Variants in AMOT observed in about 807,000 individuals in gnomAD.
AMOT encodes the protein angiomotin.
In AMOT, 11 loss-of-function variants were observed where a neutral mutation model predicts 67.0. The ratio of observed to expected loss-of-function variants is 0.16; its 90% CI spans 0.10 to 0.27. The LOEUF is 0.27. Ranked by LOEUF, AMOT falls within the 10% of genes least tolerant of loss-of-function variation. The pLI is 1.00. For missense variants in AMOT, 753 were observed against 852.0 expected (o/e 0.88, Z 1.45); for synonymous variants, 326 against 321.4 (o/e 1.01, Z -0.15).
At chrX:112,794,658 T>C (rs1224537829) in intron 8 of AMOT, among the ~76,000 whole-genome samples, 1 of 112,229 alleles carries the variant, frequency 8.9e-6, no homozygotes, top group Non-Finnish European at 1.9e-5. Flanking sequence ...CCTATACGCT[T>C]TATTAACTCC....
intron 8 of AMOT, among the ~76,000 whole-genome samples, chrX:112,795,150 T>C (rs1402454026): frequency 1.8e-5 from 2 of 111,250 alleles, no homozygotes; most frequent in Non-Finnish European, 1.9e-5. Context: ...TTTTACCTAA[T>C]ATAAAAAGTA....
At chrX:112,795,249 T>TGTGC (rs370354349) in intron 8 of AMOT, among the ~76,000 whole-genome samples, 21 of 65,429 alleles carry the variant, frequency 3.2e-4, no homozygotes, top group African/African-American at 2.4e-3. Flanking sequence ...TCTCTCTCTC[T>TGTGC]GTGTGTGTGT....
intron 10 of AMOT, among the ~76,000 whole-genome samples, chrX:112,790,066 G>A (rs1047377994): frequency 9.7e-6 from 1 of 102,835 alleles, no homozygotes; most frequent in Admixed American, 1.1e-4. Context: ...GCTCACGCAC[G>A]ATGAGGTTAT....
chrX:112,779,976 C>T (rs1462876228), intron 12 of AMOT, among the ~76,000 whole-genome samples: 1 of 111,040 alleles, frequency 9.0e-6, no homozygotes, highest in Non-Finnish European at 1.9e-5. Context: ...CATCACCTGG[C>T]ACAACATATT....
chrX:112,810,573 G>GCGCA (rs1362620271), intron 6 of AMOT, among the ~76,000 whole-genome samples: 1 of 110,530 alleles, frequency 9.0e-6, no homozygotes, highest in African/African-American at 3.3e-5. Context: ...AGGCATGGTG[G>GCGCA]CGCACGCTGG....
At chrX:112,781,205 G>A in intron 11 of AMOT, 87 bp from the exon 12 acceptor site, 5 of 866,851 alleles carry the variant, frequency 5.8e-6, no homozygotes, top group Non-Finnish European at 8.2e-6. Flanking sequence ...ATTTTGGGAG[G>A]CCGAGGTGGG....
chrX:112,797,701 A>G (rs1260061438), intron 8 of AMOT, among the ~76,000 whole-genome samples: 1 of 111,197 alleles, frequency 9.0e-6, no homozygotes, highest in Non-Finnish European at 1.9e-5. Context: ...GAATCACTTG[A>G]ACCCAGGAGG....
intron 8 of AMOT, among the ~76,000 whole-genome samples, 167 bp from the exon 9 acceptor site, chrX:112,792,148 G>C (rs1394933833): frequency 8.9e-6 from 1 of 112,375 alleles, no homozygotes; most frequent in Non-Finnish European, 1.9e-5. Context: ...TGAGTAGCAG[G>C]CTGCCTTGTA....
intron 10 of AMOT, among the ~76,000 whole-genome samples, chrX:112,782,982 A>C (rs766098077): frequency 1.7e-4 from 19 of 111,397 alleles, no homozygotes; most frequent in Non-Finnish European, 3.6e-4. Flanking sequence ...TTTTTAGATC[A>C]TGGCCAAGCA....
chrX:112,819,360 A>T, intron 4 of AMOT: 1 of 754,360 alleles, frequency 1.3e-6, no homozygotes, highest in Non-Finnish European at 1.6e-6. Flanking sequence ...TGCAATGGTG[A>T]ATCGGTGAAT....
intron 2 of AMOT, among the ~76,000 whole-genome samples, chrX:112,829,855 C>T (rs1934943116): frequency 9.0e-6 from 1 of 111,659 alleles, no homozygotes; most frequent in South Asian, 3.7e-4. Flanking sequence ...AATCCTGTTG[C>T]CACCTCCCTC....
At chrX:112,832,801 T>G (rs1935025988) in intron 1 of AMOT, among the ~76,000 whole-genome samples, 1 of 111,812 alleles carries the variant, frequency 8.9e-6, no homozygotes, top group African/African-American at 3.3e-5. Flanking sequence ...CCATCTGCCT[T>G]CAGTCTGGTT....
rs1932913344 is a variant in AMOT, at chrX:112,775,247, C to T, written c.*3320G>A. The T allele has an allele frequency of 8.9e-6, 1 of 112,774 alleles. No individual in the cohort carries two copies. Among genetic ancestry groups the T allele is most frequent in the Non-Finnish European group, 1.9e-5 (1 of 53,313 alleles). 9.3% of individuals were successfully genotyped at this position (112,774 alleles called of 1,213,427 possible). Reference sequence around the variant, plus strand: ...GCTGAAATTGGTGGCAATTAGCCCACAGCTGATACCTTCCTTTGAAAACAT... The same window carrying T: ...GCTGAAATTGGTGGCAATTAGCCCATAGCTGATACCTTCCTTTGAAAACAT... On this transcript the variant is annotated 3_prime_UTR_variant, in exon 14 of 14. Transcript: ENST00000371959.
rs1168645419 is a variant in AMOT at position 112,777,779 on chromosome X, G to T, written c.*788C>A. Reference sequence around the variant, plus strand: ...CAACTCTCCATCAAGGCCTCTGATGGTCTAATTCCCTAAGAGAGAGGAAGT... The same window carrying T: ...CAACTCTCCATCAAGGCCTCTGATGTTCTAATTCCCTAAGAGAGAGGAAGT... On this transcript the variant is annotated 3_prime_UTR_variant, in exon 14 of 14. Coordinates refer to ENST00000371959, the MANE Select transcript of AMOT (RefSeq NM_001113490.2). The T allele has an allele frequency of 8.9e-6, 1 of 112,022 alleles. No homozygotes were observed. The highest frequency in any genetic ancestry group is 1.9e-5 in the Non-Finnish European group (1 of 53,166). The allele number at this position is 112,022 out of a possible 1,213,427, so 9.2% of individuals were successfully genotyped here.
At chrX:112,817,781 A>G (rs981254245) in intron 4 of AMOT, among the ~76,000 whole-genome samples, 7 of 112,340 alleles carry the variant, frequency 6.2e-5, no homozygotes, top group Admixed American at 5.7e-4. Flanking sequence ...TCATAAGTAC[A>G]ACTGGAAAGT....
At chrX:112,838,034 C>T (rs1479971356) in intron 1 of AMOT, among the ~76,000 whole-genome samples, 1 of 111,744 alleles carries the variant, frequency 8.9e-6, no homozygotes, top group Non-Finnish European at 1.9e-5. Context: ...ACCAGACAGT[C>T]CCCAAGAATA....
rs1378513181 is a variant in AMOT at position 112,778,277 on chromosome X, C to T, written c.*290G>A. On this transcript the variant is annotated 3_prime_UTR_variant, in exon 14 of 14. Transcript: ENST00000371959. ...TAAACAAATTTAAGCACATTGAAAA[C>T]GTCGATGTATAGCCACCTGTTAACA... is the stretch of plus-strand genomic sequence containing the variant. The T allele has an allele frequency of 2.1e-5, 4 of 192,921 alleles. No homozygotes were observed. The highest frequency in any genetic ancestry group is 7.0e-5 in the Admixed American group (1 of 14,249). The allele number at this position is 192,921 out of a possible 1,213,427, so 15.9% of individuals were successfully genotyped here.
Position 112,839,126 on chromosome X carries a change from T to C in AMOT, c.-289+1326A>G, listed in dbSNP as rs747999721. On this transcript the variant is annotated intron_variant, in intron 1 of 13. Transcript: ENST00000371959. ...AATCAACCAAAGTTATTTTAAAATGTATGTTAATAATGTGTTCCCAAATAA... is the reference window on the plus strand; with the variant it reads ...AATCAACCAAAGTTATTTTAAAATGCATGTTAATAATGTGTTCCCAAATAA... 1.4e-3 allele frequency among the ~76,000 whole-genome samples: 152 copies of C among 112,481 alleles called. 1 individual carries two copies. Among genetic ancestry groups the C allele is most frequent in the Non-Finnish European group, 1.7e-3 (93 of 53,295 alleles).
chrX:112,813,228 C>A (rs986034385), intron 5 of AMOT, among the ~76,000 whole-genome samples: 3 of 105,968 alleles, frequency 2.8e-5, no homozygotes, highest in Non-Finnish European at 4.0e-5. Flanking sequence ...TGTGTAGATA[C>A]TCCATCCTTC....
Sources: allele counts gnomAD v4.1 joint callset (sites outside exome capture counted in the v4.1 genomes callset), GRCh38; gene constraint gnomAD v4.1.1; transcripts MANE v1.5; gene names NCBI Gene and HGNC (gene_info 2026-07-23, HGNC 2026-07-21).